Variants in FRMPD4 observed in about 807,000 individuals in gnomAD.
The protein encoded by FRMPD4 is FERM and PDZ domain containing 4.
Under a neutral mutation model 94.1 loss-of-function variants are expected in FRMPD4, and 22 were observed. The observed-to-expected ratio is 0.23, with a 90% CI of 0.17 to 0.33. The LOEUF is 0.33. Ranked by LOEUF, FRMPD4 falls within the 10% of genes least tolerant of loss-of-function variation. The pLI is 1.00. For missense variants in FRMPD4, 1,111 were observed against 1,339.9 expected (o/e 0.83, Z 2.67); for synonymous variants, 631 against 548.6 (o/e 1.15, Z -2.10).
At chrX:12,450,194 ACTCT>A (rs746971617) in intron 1 of FRMPD4, among the ~76,000 whole-genome samples, 17 of 110,495 alleles carry the variant, frequency 1.5e-4, no homozygotes, top group Non-Finnish European at 2.6e-4. Flanking sequence ...AAACATCCTA[ACTCT>A]CTCTGTTTGG....
intron 1 of FRMPD4, among the ~76,000 whole-genome samples, chrX:11,855,192 C>T (rs1230517229): frequency 6.2e-5 from 7 of 112,039 alleles, no homozygotes; most frequent in Non-Finnish European, 9.4e-5. Flanking sequence ...GGAGCTGAAG[C>T]AGGTGGGATG....
At chrX:12,464,192 T>C (rs1255524423) in intron 1 of FRMPD4, among the ~76,000 whole-genome samples, 1 of 111,750 alleles carries the variant, frequency 8.9e-6, no homozygotes, top group East Asian at 2.8e-4. Context: ...GGAGCCCACC[T>C]GGACTGAATT....
At chrX:11,844,262 G>T (rs756818117) in intron 1 of FRMPD4, among the ~76,000 whole-genome samples, 1 of 109,944 alleles carries the variant, frequency 9.1e-6, no homozygotes, top group African/African-American at 3.3e-5. Context: ...CTCCCCAAGT[G>T]CTGGGATGAC....
chrX:12,033,692 CTTATT>C (rs1245871146), intron 3 of FRMPD4, among the ~76,000 whole-genome samples: 2 of 111,001 alleles, frequency 1.8e-5, no homozygotes, highest in African/African-American at 3.3e-5. Flanking sequence ...TTTGTTTTAT[CTTATT>C]TTATTTTATT....
At chrX:12,349,396 G>C (rs1430286262) in intron 1 of FRMPD4, among the ~76,000 whole-genome samples, 1 of 110,130 alleles carries the variant, frequency 9.1e-6, no homozygotes, top group Non-Finnish European at 1.9e-5. Context: ...GGAGCGAGGG[G>C]GTCGGTTAGT....
intron 3 of FRMPD4, among the ~76,000 whole-genome samples, chrX:11,917,576 C>G (rs773220320): frequency 8.9e-6 from 1 of 112,085 alleles, no homozygotes; most frequent in African/African-American, 3.2e-5. Context: ...AGAGGGAAAT[C>G]GTGTTCTTTG....
chrX:12,716,557 G>A lies in FRMPD4; in HGVS notation c.2098G>A (p.Asp700Asn). ...IGSANDMKGLDLTPEAEGIQF... is the reference protein window; with the variant it reads ...IGSANDMKGLNLTPEAEGIQF... ...CAGTGCCAATGACATGAAGGGCCTG[G>A]ATCTCACTCCAGAGGCAGAGGGCAT... is the stretch of plus-strand genomic sequence containing the variant. The change falls in exon 15 of 17, where the codon GAT (aspartate) becomes AAT (asparagine). Residue 700 changes from aspartate (D) to asparagine (N), a missense_variant. Asp to Asn is a conservative substitution (Grantham distance 23, BLOSUM62 1). Around this residue, in one of 8 missense-constraint regions of FRMPD4, gnomAD observed 192 missense variants for 192.5 expected, o/e 1.00. Transcript: ENST00000675598. 3 of 1,210,972 alleles carry A rather than the reference G, an allele frequency of 2.5e-6. No homozygotes were observed. Among genetic ancestry groups the A allele is most frequent in the Non-Finnish European group, 2.2e-6 (2 of 894,892 alleles).
At chrX:11,882,767 G>C (rs112585295) in intron 3 of FRMPD4, among the ~76,000 whole-genome samples, 1 of 111,556 alleles carries the variant, frequency 9.0e-6, no homozygotes, top group Non-Finnish European at 1.9e-5. Flanking sequence ...AAGCATTTTG[G>C]ATAAGAAATA....
intron 1 of FRMPD4, among the ~76,000 whole-genome samples, chrX:12,470,060 A>G (rs917889654): frequency 1.8e-5 from 2 of 112,260 alleles, no homozygotes; most frequent in East Asian, 5.6e-4. Flanking sequence ...CACTTTGTAA[A>G]GGGAAAGCTG....
At chrX:12,614,648 C>T in intron 3 of FRMPD4, 131 bp from the exon 4 acceptor site, 2 of 457,499 alleles carry the variant, frequency 4.4e-6, no homozygotes, top group South Asian at 7.4e-5. Flanking sequence ...GTCCAAAGAA[C>T]ACCCAAGTGT....
chrX:12,495,097 G>T, intron 1 of FRMPD4: 1 of 451,402 alleles, frequency 2.2e-6, no homozygotes, highest in Non-Finnish European at 2.8e-6. Flanking sequence ...GTTTCCTTCC[G>T]CCTTGAGAAT....
intron 5 of FRMPD4, among the ~76,000 whole-genome samples, chrX:12,676,212 G>A (rs918081579): frequency 6.2e-5 from 7 of 112,055 alleles, no homozygotes; most frequent in Admixed American, 3.8e-4. Context: ...TACCATAGCT[G>A]CTCAGAACCT....
At chrX:12,124,746 G>GGGGA (rs1407826729) in intron 3 of FRMPD4, among the ~76,000 whole-genome samples, 1 of 111,540 alleles carries the variant, frequency 9.0e-6, no homozygotes, top group Non-Finnish European at 1.9e-5. Context: ...GATATAATGA[G>GGGGA]GGGAGGGTGG....
At chrX:12,018,485 G>A (rs376529436) in intron 3 of FRMPD4, among the ~76,000 whole-genome samples, 1 of 109,331 alleles carries the variant, frequency 9.1e-6, no homozygotes, top group Non-Finnish European at 1.9e-5. Context: ...GTGCGATCTC[G>A]GCTCACTGCA....
chrX:12,497,703 A>G (rs1417582725), intron 1 of FRMPD4, among the ~76,000 whole-genome samples: 1 of 111,391 alleles, frequency 9.0e-6, no homozygotes, highest in Non-Finnish European at 1.9e-5. Flanking sequence ...GAAGTTAAGA[A>G]AAAGGAATGG....
intron 4 of FRMPD4, among the ~76,000 whole-genome samples, chrX:12,629,743 G>A (rs760933178): frequency 2.7e-5 from 3 of 112,038 alleles, no homozygotes; most frequent in Non-Finnish European, 5.6e-5. Flanking sequence ...CTAAGAATTT[G>A]TACTTCCAAG....
chrX:12,075,743 A>G (rs2055008244), intron 3 of FRMPD4, among the ~76,000 whole-genome samples: 3 of 112,174 alleles, frequency 2.7e-5, no homozygotes, highest in Admixed American at 9.5e-5. Flanking sequence ...TAGCAGCAAG[A>G]CAGCCAATGA....
At chrX:12,302,559 G>A (rs985897747) in intron 1 of FRMPD4, among the ~76,000 whole-genome samples, 15 of 110,628 alleles carry the variant, frequency 1.4e-4, no homozygotes, top group African/African-American at 4.9e-4. Context: ...ACTTGGATGG[G>A]GTCATGATGA....
At chrX:12,310,365 G>A (rs1229939884) in intron 1 of FRMPD4, among the ~76,000 whole-genome samples, 1 of 110,910 alleles carries the variant, frequency 9.0e-6, no homozygotes, top group Non-Finnish European at 1.9e-5. Context: ...GTTAAGGTGG[G>A]GCAGGGCATA....
Sources: gnomAD v4.1 joint callset for allele counts (sites outside exome capture counted in the v4.1 genomes callset) on GRCh38, gnomAD v4.1.1 for gene constraint, gnomAD v4.1.1 regional missense constraint, MANE v1.5 for transcripts, NCBI Gene and HGNC (gene_info 2026-07-23, HGNC 2026-07-21) for gene names.